The following IQCK variants were observed in gnomAD, a reference collection of about 807,000 sequenced individuals.
The protein encoded by IQCK is IQ motif containing K.
A neutral mutation model predicts 28.1 loss-of-function variants in IQCK; 29 were observed. The observed-to-expected ratio is 1.03, with a 90% confidence interval of 0.77 to 1.41. The LOEUF (loss-of-function observed/expected upper bound fraction) is 1.41, where lower values mean the gene tolerates loss of function less well. IQCK is among the 40% of genes most tolerant of loss of function. The pLI is 0.00. For missense variants in IQCK, 359 were observed against 314.7 expected (o/e 1.14, Z -1.07); for synonymous variants, 113 against 115.1 (o/e 0.98, Z 0.12).
At chr16:19,826,824 C>G (rs1479473651) in intron 7 of IQCK, among the ~76,000 whole-genome samples, 17 of 152,216 alleles carry the variant, frequency 1.1e-4, no homozygotes, top group Admixed American at 1.1e-3. Context: ...CCTACTATTA[C>G]TATAGCAAAT....
chr16:19,777,040 C>A (rs1477385661), intron 6 of IQCK, among the ~76,000 whole-genome samples: 2 of 152,158 alleles, frequency 1.3e-5, no homozygotes, highest in African/African-American at 4.8e-5. Context: ...AAAAGTGCAC[C>A]ACTGCCTTTC....
chr16:19,729,786 AG>A (rs1195985743), intron 1 of IQCK, among the ~76,000 whole-genome samples: 1 of 151,130 alleles, frequency 6.6e-6, no homozygotes, highest in Non-Finnish European at 1.5e-5. Flanking sequence ...CTGGGACTAC[AG>A]GCACCCACCA....
intron 6 of IQCK, among the ~76,000 whole-genome samples, chr16:19,769,162 G>A (rs1304406145): frequency 1.3e-5 from 2 of 152,146 alleles, no homozygotes; most frequent in Non-Finnish European, 2.9e-5. Context: ...GGCACAAGAA[G>A]GAAGCATGGT....
chr16:19,828,894 TTA>T (rs2056189644), downstream of IQCK, among the ~76,000 whole-genome samples: 1 of 140,324 alleles, frequency 7.1e-6, no homozygotes, highest in Non-Finnish European at 1.5e-5. Context: ...AAAATATATA[TTA>T]TATATATTTT....
At chr16:19,767,347 G>A (rs915041972) in intron 6 of IQCK, among the ~76,000 whole-genome samples, 8 of 152,174 alleles carry the variant, frequency 5.3e-5, no homozygotes, top group African/African-American at 7.2e-5. Context: ...CAGATCACAC[G>A]TGGGCTTGGA....
chr16:19,727,560 C>A (rs1977695895), intron 1 of IQCK, among the ~76,000 whole-genome samples: 2 of 150,090 alleles, frequency 1.3e-5, no homozygotes, highest in Admixed American at 6.7e-5. Context: ...GCACTCCAGC[C>A]TGGGCGACAG....
chr16:19,804,730 G>A (rs2055812499), intron 7 of IQCK, among the ~76,000 whole-genome samples: 1 of 152,142 alleles, frequency 6.6e-6, no homozygotes, highest in Admixed American at 6.5e-5. Flanking sequence ...CACCTGGCCA[G>A]TATTTGTATT....
chr16:19,826,597 C>T (rs1000706582), intron 7 of IQCK, among the ~76,000 whole-genome samples: 3 of 152,128 alleles, frequency 2.0e-5, no homozygotes, highest in Non-Finnish European at 4.4e-5. Context: ...AGGCTGGTCT[C>T]GAACTCCTGA....
chr16:19,819,338 C>G (rs1327069189), intron 7 of IQCK, among the ~76,000 whole-genome samples: 1 of 151,916 alleles, frequency 6.6e-6, no homozygotes, highest in African/African-American at 2.4e-5. Context: ...ACTAAAAATA[C>G]AAAAATTAGC....
At chr16:19,763,994 T>C in intron 5 of IQCK, 41 bp from the exon 6 acceptor site, 2 of 1,602,560 alleles carry the variant, frequency 1.2e-6, no homozygotes, top group South Asian at 2.2e-5. Flanking sequence ...AATTCTTGCT[T>C]ATTGTTTTCT....
intron 4 of IQCK, among the ~76,000 whole-genome samples, chr16:19,747,005 A>T (rs139800688): frequency 5.7e-4 from 87 of 152,242 alleles, no homozygotes; most frequent in African/African-American, 1.9e-3. Flanking sequence ...TTGGTCAGGC[A>T]TCGTGGCTCA....
chr16:19,723,200 G>A (rs940770511), intron 1 of IQCK, among the ~76,000 whole-genome samples: 5 of 151,522 alleles, frequency 3.3e-5, no homozygotes, highest in Non-Finnish European at 7.4e-5. Context: ...GTTAATTGAG[G>A]CAGGCCTCCT....
Position 19,763,785 on chromosome 16 carries a change from G to A in IQCK, c.475-63G>A. The A allele has an allele frequency of 3.2e-6, 4 of 1,238,208 alleles. No homozygotes were observed. In the South Asian group the frequency reaches 4.8e-5, roughly 15 times the overall value. 76.7% of individuals were successfully genotyped at this position (1,238,208 alleles called of 1,614,324 possible). A position where few individuals can be genotyped will look rare whatever the true frequency, so the allele number is the denominator to read the frequency against. On this transcript the variant is annotated intron_variant, in intron 4 of 7. Coordinates refer to ENST00000564186, the Ensembl canonical transcript of IQCK. ...AAAAAAGTCATGTATAAGTAGACCT[G>A]TGCAGTTCAAATCCATAGTGTTTAA...
chr16:19,828,805 C>T (rs2141094132), downstream of IQCK, among the ~76,000 whole-genome samples: 1 of 146,732 alleles, frequency 6.8e-6, no homozygotes, highest in African/African-American at 2.5e-5. Flanking sequence ...GAGCCGAGAT[C>T]GTGCTACTGC....
chr16:19,766,176 C>G (rs1198217225), intron 6 of IQCK: 3 of 152,252 alleles, frequency 2.0e-5, no homozygotes, highest in Admixed American at 1.3e-4. Context: ...CTATTTGATG[C>G]AATGAATGTC....
intron 1 of IQCK, among the ~76,000 whole-genome samples, chr16:19,727,267 A>G (rs1977685610): frequency 6.6e-6 from 1 of 152,320 alleles, no homozygotes; most frequent in South Asian, 2.1e-4. Context: ...ACTTTGACCT[A>G]GCCTGGGAAA....
chr16:19,820,020 G>C (rs2056047350), intron 7 of IQCK, among the ~76,000 whole-genome samples: 1 of 151,992 alleles, frequency 6.6e-6, no homozygotes, highest in Admixed American at 6.6e-5. Context: ...AATGGCTCTG[G>C]GGCAACTTGA....
chr16:19,846,664 C>T (rs1273804061), intron 9 of IQCK, among the ~76,000 whole-genome samples: 1 of 152,038 alleles, frequency 6.6e-6, no homozygotes, highest in African/African-American at 2.4e-5. Context: ...TTAATTTTCC[C>T]AAAAATAATG....
chr16:19,841,422 T>A (rs528984117), intron 9 of IQCK, among the ~76,000 whole-genome samples: 1 of 152,292 alleles, frequency 6.6e-6, no homozygotes, highest in South Asian at 2.1e-4. Context: ...CTGTTCAGGA[T>A]GAGCAGCTAA....
Sources: gnomAD v4.1 joint callset for allele counts (sites outside exome capture counted in the v4.1 genomes callset) on GRCh38, gnomAD v4.1.1 for gene constraint, MANE v1.5 for transcripts, NCBI Gene and HGNC (gene_info 2026-07-23, HGNC 2026-07-21) for gene names.